JMJD1C: variants seen among roughly 807,000 people sequenced by gnomAD.
JMJD1C encodes jumonji domain containing 1C, also known as jumonji domain-containing protein 1C.
JMJD1C carries 31 observed loss-of-function variants against 245.3 expected under a neutral mutation model. The ratio of observed to expected loss-of-function variants is 0.13; its 90% CI spans 0.09 to 0.17. The LOEUF is 0.17. Ranked by LOEUF, JMJD1C falls within the 10% of genes least tolerant of loss-of-function variation. The pLI is 1.00. For missense variants in JMJD1C, 2,691 were observed against 3,000.2 expected (o/e 0.90, Z 2.41); for synonymous variants, 1,057 against 1,017.4 (o/e 1.04, Z -0.74).
chr10:63,389,928 T>C (rs1234190927), intron 1 of JMJD1C, among the ~76,000 whole-genome samples: 1 of 152,072 alleles, frequency 6.6e-6, no homozygotes, highest in African/African-American at 2.4e-5. Flanking sequence ...TTAATACCTA[T>C]AACCAAAAAG....
intron 24 of JMJD1C, among the ~76,000 whole-genome samples, chr10:63,171,448 C>T (rs1842348754): frequency 6.6e-6 from 1 of 152,252 alleles, no homozygotes; most frequent in South Asian, 2.1e-4. Context: ...AGACAGCCCA[C>T]TCTTCTCAGT....
At chr10:63,491,802 G>A (rs368056915) in intron 1 of JMJD1C, among the ~76,000 whole-genome samples, 1 of 152,172 alleles carries the variant, frequency 6.6e-6, no homozygotes, top group Non-Finnish European at 1.5e-5. Flanking sequence ...AGACAAACAA[G>A]GCAACTTTCA....
chr10:63,272,307 A>G (rs1856406544), intron 2 of JMJD1C, among the ~76,000 whole-genome samples: 1 of 151,978 alleles, frequency 6.6e-6, no homozygotes, highest in African/African-American at 2.4e-5. Context: ...GCTGGAGTGC[A>G]ATGGCACAAT....
rs201707452 is a variant in JMJD1C at position 63,206,619 on chromosome 10, G to C, written c.5050C>G (p.Leu1684Val). 23 of 1,594,846 alleles carry C rather than the reference G, an allele frequency of 1.4e-5. No homozygotes were observed. Among genetic ancestry groups the C allele is most frequent in the Non-Finnish European group, 1.9e-5 (22 of 1,174,212 alleles). The change falls in exon 10 of 26, where the codon CTG (leucine) becomes GTG (valine). Residue 1684 changes from leucine (L) to valine (V), a missense_variant. This residue lies in a region of JMJD1C where 144 missense variants were observed against 143.3 expected (regional missense o/e 1.00). Coordinates refer to ENST00000399262, the MANE Select transcript of JMJD1C (RefSeq NM_032776.3). ...CTATTACTGTTGCTTTGCAACTTCA[G>C]TTTACTTCTTTCTTTGGCACTCCTG... The part of the protein sequence containing the change: ...LSRSAKERSK[L>V]KLQSNSNTGI...
intron 10 of JMJD1C, chr10:63,202,874 T>C: frequency 1.0e-6 from 1 of 977,292 alleles, no homozygotes; most frequent in Non-Finnish European, 1.2e-6. Context: ...TTGCTTCTAA[T>C]CATCTATTTA....
At chr10:63,499,592 T>C in intron 1 of JMJD1C, among the ~76,000 whole-genome samples, 1 of 152,126 alleles carries the variant, frequency 6.6e-6, no homozygotes, top group East Asian at 1.9e-4. Context: ...AAAGATATAA[T>C]GAAAAACAAC....
At chr10:63,485,625 A>G (rs910680384) in intron 1 of JMJD1C, among the ~76,000 whole-genome samples, 1 of 152,226 alleles carries the variant, frequency 6.6e-6, no homozygotes, top group Non-Finnish European at 1.5e-5. Flanking sequence ...AGGAGAACTC[A>G]TATTTGGAAA....
chr10:63,288,929 GATA>G (rs1359217587), intron 2 of JMJD1C, among the ~76,000 whole-genome samples: 5 of 101,224 alleles, frequency 4.9e-5, no homozygotes, highest in Admixed American at 1.7e-4. Context: ...TAATAATAAT[GATA>G]ATAATCTGTA....
Position 63,390,928 on chromosome 10 carries a change from T to G in JMJD1C, c.169-10446A>C, listed in dbSNP as rs1422249313. Among the ~76,000 whole-genome samples, 12 of 152,154 alleles carry G rather than the reference T, an allele frequency of 7.9e-5. No individual in the cohort carries two copies. The East Asian group carries it at 2.3e-3, about 29-fold the overall frequency. ...AACTGACAACCTTCCCTTTAAGAAC[T>G]GGAACAAAACAAAAAAGCCGCCACT... On this transcript the variant is annotated intron_variant, in intron 1 of 25. Transcript: ENST00000399262.
intron 1 of JMJD1C, among the ~76,000 whole-genome samples, chr10:63,406,115 A>G (rs1205301162): frequency 1.3e-5 from 2 of 152,210 alleles, no homozygotes; most frequent in Non-Finnish European, 2.9e-5. Flanking sequence ...TGCAGACAAA[A>G]TAAACAACTA....
intron 3 of JMJD1C, among the ~76,000 whole-genome samples, chr10:63,259,879 C>T (rs1854471854): frequency 6.6e-6 from 1 of 152,192 alleles, no homozygotes; most frequent in Non-Finnish European, 1.5e-5. Flanking sequence ...GTCTTATCTC[C>T]AAACTTTATC....
chr10:63,212,765 T>C (rs934777604), intron 8 of JMJD1C, among the ~76,000 whole-genome samples: 4 of 151,906 alleles, frequency 2.6e-5, no homozygotes, highest in South Asian at 2.1e-4. Flanking sequence ...AGCCTTACAA[T>C]TTTATAAAAA....
chr10:63,237,717 C>T (rs1460632640), intron 3 of JMJD1C, among the ~76,000 whole-genome samples: 3 of 152,100 alleles, frequency 2.0e-5, no homozygotes, highest in South Asian at 2.1e-4. Context: ...ATTTGCATTA[C>T]GCTTAGTAGT....
intron 1 of JMJD1C, among the ~76,000 whole-genome samples, chr10:63,497,521 AAGAC>A (rs1349748828): frequency 6.6e-6 from 1 of 152,230 alleles, no homozygotes; most frequent in East Asian, 1.9e-4. Context: ...TGACTGCTAA[AAGAC>A]AGTTTCTTTC....
At chr10:63,296,013 A>ATATATTTT (rs71025149) in intron 2 of JMJD1C, among the ~76,000 whole-genome samples, 5 of 84,284 alleles carry the variant, frequency 5.9e-5, no homozygotes, top group African/African-American at 2.1e-4. Flanking sequence ...GTATATATAT[A>ATATATTTT]TTTTTTTTTT....
intron 1 of JMJD1C, among the ~76,000 whole-genome samples, chr10:63,512,288 A>C (rs1954893852): frequency 6.9e-6 from 1 of 145,604 alleles, no homozygotes; most frequent in Admixed American, 7.5e-5. Context: ...TTCTCTCTGA[A>C]CTTTTTTTTT....
At chr10:63,237,469 AT>A (rs1296082542) in intron 3 of JMJD1C, among the ~76,000 whole-genome samples, 1 of 152,224 alleles carries the variant, frequency 6.6e-6, no homozygotes, top group African/African-American at 2.4e-5. Context: ...GAATCTATAA[AT>A]GAACTATAGT....
chr10:63,485,450 AAAGAG>A (rs1953964106), intron 1 of JMJD1C, among the ~76,000 whole-genome samples: 1 of 152,182 alleles, frequency 6.6e-6, no homozygotes, highest in Admixed American at 6.5e-5. Context: ...AAAAGAAAAG[AAAGAG>A]AAAAGATCCC....
chr10:63,267,309 C>T (rs2133804669), intron 2 of JMJD1C, among the ~76,000 whole-genome samples: 1 of 152,096 alleles, frequency 6.6e-6, no homozygotes, highest in Non-Finnish European at 1.5e-5. Context: ...TTAAAATACA[C>T]CCCGGTTTTT....
Sources: gnomAD v4.1 joint callset for allele counts (sites outside exome capture counted in the v4.1 genomes callset) on GRCh38, gnomAD v4.1.1 for gene constraint, gnomAD v4.1.1 regional missense constraint, MANE v1.5 for transcripts, NCBI Gene and HGNC (gene_info 2026-07-23, HGNC 2026-07-21) for gene names.